Variants in SHISA9 observed in about 807,000 individuals in gnomAD.
The protein encoded by SHISA9 is shisa family member 9, also known as protein shisa-9.
SHISA9 carries 13 observed loss-of-function variants against 38.0 expected under a neutral mutation model. The ratio of observed to expected loss-of-function variants is 0.34; its 90% CI spans 0.22 to 0.54. The LOEUF (loss-of-function observed/expected upper bound fraction) is 0.54. Ranked by LOEUF, SHISA9 falls within the 20% of genes least tolerant of loss-of-function variation. The pLI is 0.91. For missense variants in SHISA9, 538 were observed against 575.8 expected (o/e 0.93, Z 0.67); for synonymous variants, 275 against 242.0 (o/e 1.14, Z -1.27).
chr16:13,171,487 C>A (rs548605154), intron 2 of SHISA9, among the ~76,000 whole-genome samples: 255 of 77,222 alleles, frequency 3.3e-3, no homozygotes, highest in African/African-American at 0.012. Flanking sequence ...CAGCAGGGGG[C>A]GGGGGTGGGG....
At chr16:13,496,103 A>G in the SHISA9 span, among the ~76,000 whole-genome samples, 1 of 152,214 alleles carries the variant, frequency 6.6e-6, no homozygotes, top group Non-Finnish European at 1.5e-5. Context: ...CTGTCTGGAA[A>G]TATACATGAT....
At chr16:12,935,405 C>T (rs1399813863) in intron 2 of SHISA9, among the ~76,000 whole-genome samples, 1 of 152,150 alleles carries the variant, frequency 6.6e-6, no homozygotes, top group Non-Finnish European at 1.5e-5. Context: ...TGCCCTGTGG[C>T]TTAGCTCCTG....
the SHISA9 span, among the ~76,000 whole-genome samples, chr16:13,326,983 C>T: frequency 6.6e-6 from 1 of 152,184 alleles, no homozygotes; most frequent in African/African-American, 2.4e-5. Context: ...CCTCAACACC[C>T]ACTGGCCAAA....
the SHISA9 span, among the ~76,000 whole-genome samples, chr16:13,300,446 C>T: frequency 2.0e-5 from 3 of 152,220 alleles, no homozygotes; most frequent in South Asian, 6.2e-4. Flanking sequence ...CTGCATTTCC[C>T]TCGACCTACT....
the SHISA9 span, among the ~76,000 whole-genome samples, chr16:13,491,334 A>G: frequency 2.0e-5 from 3 of 152,080 alleles, no homozygotes; most frequent in African/African-American, 7.2e-5. Context: ...GTTGTGTAAC[A>G]GAAATTGTCC....
At chr16:13,205,495 T>C (rs2142057695) in intron 3 of SHISA9, among the ~76,000 whole-genome samples, 1 of 152,238 alleles carries the variant, frequency 6.6e-6, no homozygotes, top group South Asian at 2.1e-4. Context: ...CAGATGTGAG[T>C]TCAAATCCTG....
chr16:13,406,574 C>G, the SHISA9 span, among the ~76,000 whole-genome samples: 1 of 152,212 alleles, frequency 6.6e-6, no homozygotes, highest in Non-Finnish European at 1.5e-5. Flanking sequence ...GAGCACTTGA[C>G]TATGCCCTCA....
chr16:13,415,815 TAAA>T, the SHISA9 span, among the ~76,000 whole-genome samples: 4 of 149,094 alleles, frequency 2.7e-5, no homozygotes, highest in Admixed American at 1.3e-4. Flanking sequence ...CTTCTTTCGT[TAAA>T]AAAAAAAAAG....
At chr16:12,944,868 G>C (rs184494267) in intron 2 of SHISA9, among the ~76,000 whole-genome samples, 13 of 152,220 alleles carry the variant, frequency 8.5e-5, no homozygotes, top group African/African-American at 3.1e-4. Flanking sequence ...TTTGAGAGTT[G>C]ATCCCAGGAA....
the SHISA9 span, among the ~76,000 whole-genome samples, chr16:13,554,268 A>T: frequency 6.7e-6 from 1 of 149,710 alleles, no homozygotes; most frequent in African/African-American, 2.5e-5. Flanking sequence ...ATGTGAGCCA[A>T]TGAGAGAGGA....
chr16:13,158,307 T>A (rs893802944), intron 2 of SHISA9, among the ~76,000 whole-genome samples: 1 of 152,162 alleles, frequency 6.6e-6, no homozygotes, highest in Admixed American at 6.5e-5. Context: ...GAGTTCTTAG[T>A]TGCAAGCAAA....
chr16:13,207,217 T>C (rs2051073700), intron 3 of SHISA9, among the ~76,000 whole-genome samples: 1 of 152,136 alleles, frequency 6.6e-6, no homozygotes, highest in Non-Finnish European at 1.5e-5. Context: ...TGAGCGGAGA[T>C]GGTGCCACTG....
intron 2 of SHISA9, among the ~76,000 whole-genome samples, chr16:12,973,247 C>T (rs2072109227): frequency 6.6e-6 from 1 of 152,196 alleles, no homozygotes; most frequent in Non-Finnish European, 1.5e-5. Flanking sequence ...GAAAGTTTTC[C>T]TTTTGCCCTT....
chr16:13,205,998 C>G (rs2051060294), intron 3 of SHISA9, among the ~76,000 whole-genome samples: 1 of 151,284 alleles, frequency 6.6e-6, no homozygotes, highest in Non-Finnish European at 1.5e-5. Flanking sequence ...CTCCTGACTT[C>G]AAATGATTTT....
the SHISA9 span, among the ~76,000 whole-genome samples, chr16:13,447,645 T>A: frequency 2.6e-5 from 4 of 152,164 alleles, no homozygotes; most frequent in Non-Finnish European, 5.9e-5. Context: ...CTTTGGGAGA[T>A]AGACATGCAT....
At chr16:13,512,302 G>T in the SHISA9 span, among the ~76,000 whole-genome samples, 4 of 152,114 alleles carry the variant, frequency 2.6e-5, no homozygotes, top group East Asian at 7.7e-4. Context: ...AGCTAACAAG[G>T]GACGTGAAGG....
chr16:13,055,893 T>G (rs2073304307), intron 2 of SHISA9, among the ~76,000 whole-genome samples: 2 of 152,340 alleles, frequency 1.3e-5, no homozygotes, highest in African/African-American at 4.8e-5. Flanking sequence ...TAACAGCCAG[T>G]AAGTCCAACA....
chr16:13,505,686 G>T, the SHISA9 span, among the ~76,000 whole-genome samples: 2 of 152,218 alleles, frequency 1.3e-5, no homozygotes, highest in Non-Finnish European at 2.9e-5. Flanking sequence ...CCTGGAAAGG[G>T]CAGAGATTCA....
At chr16:12,907,700 T>C (rs2141708687) in intron 1 of SHISA9, among the ~76,000 whole-genome samples, 1 of 152,340 alleles carries the variant, frequency 6.6e-6, no homozygotes, top group Middle Eastern at 3.4e-3. Context: ...TTATGCGTGG[T>C]GTTTTAAAAC....
Sources: gnomAD v4.1 joint callset for allele counts (sites outside exome capture counted in the v4.1 genomes callset) on GRCh38, gnomAD v4.1.1 for gene constraint, MANE v1.5 for transcripts, NCBI Gene and HGNC (gene_info 2026-07-23, HGNC 2026-07-21) for gene names.